Variants in RBFOX2 observed in about 807,000 individuals in gnomAD.
The protein encoded by RBFOX2 is RNA binding fox-1 homolog 2.
RBFOX2 carries 10 observed loss-of-function variants against 49.1 expected under a neutral mutation model. The ratio of observed to expected loss-of-function variants is 0.20; its 90% CI spans 0.13 to 0.35. The LOEUF (loss-of-function observed/expected upper bound fraction) is 0.35, where lower values mean the gene tolerates loss of function less well. RBFOX2 is among the 10% of genes least tolerant of loss of function. The pLI, the probability that RBFOX2 is intolerant of heterozygous loss-of-function variation, is 1.00. For missense variants in RBFOX2, 323 were observed against 486.9 expected (o/e 0.66, Z 3.17); for synonymous variants, 183 against 187.4 (o/e 0.98, Z 0.19).
intron 2 of RBFOX2, among the ~76,000 whole-genome samples, chr22:35,798,804 T>C (rs530713887): frequency 1.2e-3 from 179 of 152,286 alleles, no homozygotes; most frequent in Non-Finnish European, 1.9e-3. Context: ...TTTTCCTAAT[T>C]ATCCAGTTAG....
intron 11 of RBFOX2, among the ~76,000 whole-genome samples, chr22:35,745,061 C>T (rs1931989525): frequency 6.6e-6 from 1 of 152,230 alleles, no homozygotes; most frequent in African/African-American, 2.4e-5. Context: ...CCCCCTATTA[C>T]TTCCTTCCAC....
At chr22:35,938,902 G>A (rs1390849732), upstream of RBFOX2, 2 of 1,612,760 alleles carry the variant, frequency 1.2e-6, no homozygotes, top group Admixed American at 1.7e-5. Flanking sequence ...CTCGTTCTAT[G>A]AGAAAGACAA....
At chr22:35,813,438 T>A (rs572515594) in intron 1 of RBFOX2, among the ~76,000 whole-genome samples, 54 of 152,346 alleles carry the variant, frequency 3.5e-4, no homozygotes, top group African/African-American at 1.2e-3. Flanking sequence ...GCTGCTTAAG[T>A]ATATCTCATC....
intron 1 of RBFOX2, among the ~76,000 whole-genome samples, chr22:35,936,354 TCA>T (rs1171315711): frequency 2.6e-5 from 4 of 151,400 alleles, no homozygotes; most frequent in Admixed American, 2.0e-4. Flanking sequence ...GACGTAAAGA[TCA>T]CAAGTTCCAT....
chr22:36,010,634 T>C (rs1269884047), intron 1 of RBFOX2, among the ~76,000 whole-genome samples: 1 of 151,992 alleles, frequency 6.6e-6, no homozygotes, highest in Non-Finnish European at 1.5e-5. Context: ...TTTCATATCT[T>C]TAAATGTGGA....
upstream of RBFOX2, among the ~76,000 whole-genome samples, chr22:35,843,813 C>T (rs1015032742): frequency 2.6e-5 from 4 of 152,144 alleles, no homozygotes; most frequent in Non-Finnish European, 4.4e-5. Flanking sequence ...CTAACACAGG[C>T]ACCCCAGTAG....
intron 1 of RBFOX2, among the ~76,000 whole-genome samples, chr22:36,026,291 A>T (rs2059431424): frequency 6.6e-6 from 1 of 150,590 alleles, no homozygotes. Context: ...GAAAGAAAAT[A>T]AAATACAAGA....
chr22:35,914,693 T>A (rs1180216903), intron 1 of RBFOX2, among the ~76,000 whole-genome samples: 1 of 152,212 alleles, frequency 6.6e-6, no homozygotes, highest in Non-Finnish European at 1.5e-5. Context: ...CCTTAGGCAC[T>A]GAAATCCATT....
At chr22:35,928,289 A>G (rs1193373875) in intron 1 of RBFOX2, among the ~76,000 whole-genome samples, 1 of 152,172 alleles carries the variant, frequency 6.6e-6, no homozygotes, top group Non-Finnish European at 1.5e-5. Flanking sequence ...CTGCAGAGAA[A>G]TTGCCACAAA....
chr22:36,010,346 GCCGGCTT>G (rs2058768933), intron 1 of RBFOX2, among the ~76,000 whole-genome samples: 1 of 152,112 alleles, frequency 6.6e-6, no homozygotes, highest in Admixed American at 6.5e-5. Flanking sequence ...CTGGTGCCCT[GCCGGCTT>G]CCATTCACTA....
chr22:35,738,792 G>C (rs1388755879), exon 12 of RBFOX2: 1 of 152,482 alleles, frequency 6.6e-6, no homozygotes, highest in Admixed American at 6.5e-5. Context: ...CAAAGGCTGA[G>C]GCAGTGCTCC....
chr22:35,748,485 T>C (rs1374607438), intron 9 of RBFOX2: 1 of 152,170 alleles, frequency 6.6e-6, no homozygotes, highest in Non-Finnish European at 1.5e-5. Context: ...TTACCTTTTT[T>C]TTTTTTAAGC....
intron 1 of RBFOX2, among the ~76,000 whole-genome samples, chr22:35,862,403 T>G (rs1778766155): frequency 4.1e-5 from 6 of 147,664 alleles, no homozygotes; most frequent in South Asian, 2.2e-4. Context: ...TAAAAGGAGA[T>G]GGGGGAAAGG....
chr22:36,014,544 T>C (rs980734010), intron 1 of RBFOX2, among the ~76,000 whole-genome samples: 1 of 152,220 alleles, frequency 6.6e-6, no homozygotes, highest in Non-Finnish European at 1.5e-5. Flanking sequence ...GATACCAAAG[T>C]ATTTACTACT....
intron 1 of RBFOX2, chr22:35,897,269 G>C (rs2047967661): frequency 6.6e-7 from 1 of 1,507,814 alleles, no homozygotes. Context: ...GGCACTAAAT[G>C]TTGACGGTCT....
Position 35,749,115 on chromosome 22 carries a change from A to G in RBFOX2, c.888-2554T>C, listed in dbSNP as rs1272229812. 6.6e-6 allele frequency among the ~76,000 whole-genome samples: 1 copy of G among 152,180 alleles called. No homozygotes were observed. Among genetic ancestry groups the G allele is most frequent in the Non-Finnish European group, 1.5e-5 (1 of 68,028 alleles). On this transcript the variant is annotated intron_variant, in intron 9 of 11. Coordinates refer to ENST00000405409, the Ensembl canonical transcript of RBFOX2. The surrounding 1 kb of genome is among the most constrained non-coding windows in gnomAD (Gnocchi z 4.1). Reference sequence around the variant, plus strand: ...ACTATGGAAAAGAATCTTCCTTCCAATCCAGAAGGAGATGGAGAGAATCTA... The same window carrying G: ...ACTATGGAAAAGAATCTTCCTTCCAGTCCAGAAGGAGATGGAGAGAATCTA...
At chr22:35,899,190 T>TAA (rs2048266131) in intron 1 of RBFOX2, among the ~76,000 whole-genome samples, 2 of 117,880 alleles carry the variant, frequency 1.7e-5, no homozygotes, top group East Asian at 2.6e-4. Flanking sequence ...ACATAAAAAA[T>TAA]AAAATAAAAT....
chr22:35,775,715 C>T (rs1943707798), intron 4 of RBFOX2, among the ~76,000 whole-genome samples: 1 of 151,450 alleles, frequency 6.6e-6, no homozygotes, highest in African/African-American at 2.4e-5. Context: ...GTAGTGTGCG[C>T]CTGTTATCCC....
chr22:35,760,129 C>G lies in RBFOX2; in HGVS notation c.755-109G>C, dbSNP rs1015722308. On this transcript the variant is annotated intron_variant, in intron 8 of 11. Transcript: ENST00000405409. ...ATAGAAAAGATGGAAAGATACGAACCACACCTTTTTGGAAAAGGTGGCATG... is the reference window on the plus strand; with the variant it reads ...ATAGAAAAGATGGAAAGATACGAACGACACCTTTTTGGAAAAGGTGGCATG... 4.2e-6 allele frequency: 6 copies of G among 1,440,538 alleles called. No individual in the cohort carries two copies. In the Admixed American group the frequency reaches 7.3e-5, roughly 18 times the overall value. The allele number at this position is 1,440,538 out of a possible 1,614,324, so 89.2% of individuals were successfully genotyped here.
Sources: gnomAD v4.1 joint callset for allele counts (sites outside exome capture counted in the v4.1 genomes callset) on GRCh38, gnomAD v4.1.1 for gene constraint, Gnocchi (gnomAD v3.1) non-coding constraint, MANE v1.5 for transcripts, NCBI Gene and HGNC (gene_info 2026-07-23, HGNC 2026-07-21) for gene names.